FOXP1: variants seen among roughly 807,000 people sequenced by gnomAD.
FOXP1 encodes the protein forkhead box protein P1.
FOXP1 carries 15 observed loss-of-function variants against 98.2 expected under a neutral mutation model. The observed-to-expected ratio is 0.15, with a 90% CI of 0.10 to 0.24. The LOEUF is 0.24. FOXP1 is among the 10% of genes least tolerant of loss of function. FOXP1 has a pLI of 1.00. For synonymous variants in FOXP1, 371 were observed against 314.5 expected, an observed-to-expected ratio of 1.18 and a Z score of -1.90; for missense variants, 633 against 848.5, an observed-to-expected ratio of 0.75 and a Z score of 3.15.
chr3:71,250,424 A>G (rs2068091722), intron 5 of FOXP1, among the ~76,000 whole-genome samples: 1 of 152,164 alleles, frequency 6.6e-6, no homozygotes, highest in African/African-American at 2.4e-5. Context: ...TGAATTTTTA[A>G]TTTTATGTAA....
chr3:71,564,111 G>A (rs2046738961), intron 2 of FOXP1, among the ~76,000 whole-genome samples: 1 of 152,142 alleles, frequency 6.6e-6, no homozygotes, highest in African/African-American at 2.4e-5. Flanking sequence ...CGTATTTTAG[G>A]ACCTTATTCA....
At chr3:71,494,794 T>C (rs1009947094) in intron 2 of FOXP1, among the ~76,000 whole-genome samples, 3 of 152,142 alleles carry the variant, frequency 2.0e-5, no homozygotes, top group Middle Eastern at 3.4e-3. Context: ...CTACCAATCA[T>C]GGACCACACT....
intron 17 of FOXP1, among the ~76,000 whole-genome samples, chr3:70,972,958 C>T (rs2036589930): frequency 6.6e-6 from 1 of 152,092 alleles, no homozygotes. Flanking sequence ...AAATAGGTTC[C>T]AGAGTACAAA....
intron 3 of FOXP1, among the ~76,000 whole-genome samples, chr3:71,464,294 G>C (rs2088469914): frequency 6.6e-6 from 1 of 152,138 alleles, no homozygotes; most frequent in Non-Finnish European, 1.5e-5. Context: ...GGAAAACAAG[G>C]TAACTGCCTA....
At chr3:71,128,357 A>G (rs948928187) in intron 6 of FOXP1, among the ~76,000 whole-genome samples, 2 of 152,036 alleles carry the variant, frequency 1.3e-5, no homozygotes, top group African/African-American at 4.8e-5. Context: ...TATAGATTTG[A>G]GCCTTTCCCT....
In FOXP1 at chr3:71,145,408, A is replaced by T. The variant is rs545134940; in HGVS notation, c.181-32771T>A. ...AAAAATTAGCTGGGCGTGGTGGCAC[A>T]TGCCTGTAATCCCAGCTACTAGGGA... On this transcript the variant is annotated intron_variant, in intron 6 of 20. Transcript: ENST00000649528. Among the ~76,000 whole-genome samples the T allele has an allele frequency of 2.5e-3, 379 of 152,194 alleles. 1 individual carries two copies. Among genetic ancestry groups the T allele is most frequent in the African/African-American group, 8.2e-3 (341 of 41,528 alleles).
chr3:71,583,796 G>A (rs1012944819), upstream of FOXP1: 23 of 986,758 alleles, frequency 2.3e-5, no homozygotes, highest in African/African-American at 3.3e-4. Context: ...CCGGAGCCCA[G>A]CCAGCGCCGG....
chr3:71,101,784 G>A (rs1014561752), intron 7 of FOXP1, among the ~76,000 whole-genome samples: 5 of 151,722 alleles, frequency 3.3e-5, no homozygotes, highest in East Asian at 3.9e-4. Context: ...GGGAAGGATC[G>A]AGTCATTCAA....
In FOXP1 at chr3:70,970,820, CAT is replaced by C. The variant is rs1180146786; in HGVS notation, c.1653-17_1653-16del. On this transcript the variant is annotated splice_polypyrimidine_tract_variant and intron_variant, in intron 18 of 20. Transcript: ENST00000649528. ...GGGAAGGGTTACTGTGTAAGAAAAA[CAT>C]AAAAACTCAAAGTTAAACACAGTCG... The C allele has an allele frequency of 1.9e-6, 3 of 1,604,082 alleles. No individual in the cohort carries two copies. Among genetic ancestry groups the C allele is most frequent in the Admixed American group, 1.7e-5 (1 of 59,996 alleles).
chr3:71,157,370 C>A, intron 6 of FOXP1, among the ~76,000 whole-genome samples: 1 of 152,078 alleles, frequency 6.6e-6, no homozygotes, highest in East Asian at 1.9e-4. Context: ...AACAAAATCA[C>A]ACCAAAATAT....
chr3:71,292,960 G>C (rs1163487009), intron 5 of FOXP1, among the ~76,000 whole-genome samples: 1 of 152,180 alleles, frequency 6.6e-6, no homozygotes, highest in East Asian at 1.9e-4. Context: ...GCACTGCTTA[G>C]TAACTGTCAC....
intron 4 of FOXP1, among the ~76,000 whole-genome samples, chr3:71,319,351 C>T (rs899783651): frequency 2.6e-5 from 4 of 152,148 alleles, no homozygotes; most frequent in African/African-American, 4.8e-5. Context: ...TGTGTGCTTT[C>T]ATTTGCCTGC....
intron 2 of FOXP1, chr3:71,543,394 G>C (rs1160876834): frequency 1.3e-5 from 2 of 152,358 alleles, no homozygotes; most frequent in Non-Finnish European, 2.9e-5. Context: ...AGAAGGGACT[G>C]AGGAGGATTG....
chr3:70,976,255 CGTTGCCCAGGCTG>C (rs548573430), intron 17 of FOXP1, among the ~76,000 whole-genome samples: 163 of 151,800 alleles, frequency 1.1e-3, no homozygotes, highest in African/African-American at 3.9e-3. Context: ...GGTCTCGCTA[CGTTGCCCAGGCTG>C]GTCTCTAACT....
chr3:71,103,519 T>C (rs1158972020), intron 7 of FOXP1, among the ~76,000 whole-genome samples: 1 of 151,964 alleles, frequency 6.6e-6, no homozygotes, highest in East Asian at 1.9e-4. Flanking sequence ...GCCAGGGGAG[T>C]GCGACTACCT....
At chr3:71,164,161 T>C (rs72951367) in intron 6 of FOXP1, among the ~76,000 whole-genome samples, 3,534 of 152,300 alleles carry the variant, frequency 0.023, 151 homozygotes, top group African/African-American at 0.081. Flanking sequence ...ACATGGATGC[T>C]ACCTACAACT....
At chr3:71,558,261 C>G (rs1351930844) in intron 2 of FOXP1, among the ~76,000 whole-genome samples, 1 of 152,188 alleles carries the variant, frequency 6.6e-6, no homozygotes, top group East Asian at 1.9e-4. Context: ...AAACCTTCCT[C>G]TGACTCGGAC....
chr3:71,446,842 C>A (rs768425460), intron 3 of FOXP1, among the ~76,000 whole-genome samples: 1 of 152,254 alleles, frequency 6.6e-6, no homozygotes, highest in Non-Finnish European at 1.5e-5. Context: ...AGTGTCAATA[C>A]AGATTATGTC....
At chr3:71,049,453 C>T (rs2107040945) in intron 9 of FOXP1, among the ~76,000 whole-genome samples, 1 of 152,244 alleles carries the variant, frequency 6.6e-6, no homozygotes, top group African/African-American at 2.4e-5. Flanking sequence ...TCTTCCTCCC[C>T]TACCTAAGAG....
Sources: allele counts gnomAD v4.1 joint callset (sites outside exome capture counted in the v4.1 genomes callset), GRCh38; gene constraint gnomAD v4.1.1; transcripts MANE v1.5; gene names NCBI Gene and HGNC (gene_info 2026-07-23, HGNC 2026-07-21).